ITPR1: variants seen among roughly 807,000 people sequenced by gnomAD.
ITPR1 encodes inositol 1,4,5-trisphosphate-gated calcium channel ITPR1.
A neutral mutation model predicts 318.4 loss-of-function variants in ITPR1; 96 were observed. The observed-to-expected ratio is 0.30, with a 90% CI of 0.26 to 0.36. The LOEUF (loss-of-function observed/expected upper bound fraction) is 0.36, where lower values mean the gene tolerates loss of function less well. ITPR1 is among the 10% of genes least tolerant of loss of function. The pLI is 1.00. For synonymous variants in ITPR1, 1,312 were observed against 1,289.9 expected, an observed-to-expected ratio of 1.02 and a Z score of -0.37; for missense variants, 2,440 against 3,460.2, an observed-to-expected ratio of 0.71 and a Z score of 7.40.
At chr3:4,622,422 C>G (rs550967048) in intron 4 of ITPR1, among the ~76,000 whole-genome samples, 1 of 149,408 alleles carries the variant, frequency 6.7e-6, no homozygotes, top group African/African-American at 2.5e-5. Flanking sequence ...CTTTGACTTT[C>G]TTTCTTTCTT....
At chr3:4,529,562 A>C (rs2083251780) in intron 4 of ITPR1, among the ~76,000 whole-genome samples, 2 of 152,182 alleles carry the variant, frequency 1.3e-5, no homozygotes, top group African/African-American at 4.8e-5. Context: ...CTTGTTTGAC[A>C]TGTGAGAAAA....
intron 4 of ITPR1, among the ~76,000 whole-genome samples, chr3:4,601,695 T>C (rs575026908): frequency 9.9e-5 from 15 of 152,096 alleles, no homozygotes; most frequent in Admixed American, 9.8e-4. Context: ...AAAAGAAAAT[T>C]AGATAAATTG....
At chr3:4,590,391 G>A (rs1441670022) in intron 4 of ITPR1, among the ~76,000 whole-genome samples, 1 of 151,650 alleles carries the variant, frequency 6.6e-6, no homozygotes, top group Non-Finnish European at 1.5e-5. Flanking sequence ...ATGAATGAGA[G>A]TAGTCAGTGG....
chr3:4,522,543 G>A (rs1169785660), intron 4 of ITPR1, among the ~76,000 whole-genome samples: 2 of 152,208 alleles, frequency 1.3e-5, no homozygotes, highest in Admixed American at 6.5e-5. Flanking sequence ...CTGTTAAAGA[G>A]AGAGAATAAC....
At chr3:4,699,770 G>T (rs942764403) in intron 34 of ITPR1, 43 bp from the exon 35 acceptor site, 4 of 1,597,182 alleles carry the variant, frequency 2.5e-6, no homozygotes, top group Non-Finnish European at 3.4e-6. Context: ...AATGTTTGGT[G>T]TAGGTTTTGG....
intron 24 of ITPR1, among the ~76,000 whole-genome samples, chr3:4,678,403 C>T (rs749934281): frequency 3.9e-5 from 6 of 152,078 alleles, no homozygotes; most frequent in South Asian, 2.1e-4. Context: ...TCAGAAACGA[C>T]GCAGTGCAAA....
chr3:4,558,859 A>C (rs2086397523), intron 4 of ITPR1, among the ~76,000 whole-genome samples: 1 of 151,988 alleles, frequency 6.6e-6, no homozygotes, highest in African/African-American at 2.4e-5. Context: ...TATCTTAAAA[A>C]ATTCAAATAC....
At chr3:4,708,279 TCTCCCTTTGTTAAA>T (rs971351225) in intron 37 of ITPR1, among the ~76,000 whole-genome samples, 2 of 152,066 alleles carry the variant, frequency 1.3e-5, no homozygotes, top group African/African-American at 4.8e-5. Context: ...AGAGATCTGC[TCTCCCTTTGTTAAA>T]AGGGAGAGTC....
At chr3:4,627,688 A>T (rs2092880980) in intron 4 of ITPR1, 75 bp from the exon 5 acceptor site, 2 of 848,678 alleles carry the variant, frequency 2.4e-6, no homozygotes, top group Non-Finnish European at 4.0e-6. Flanking sequence ...TTAAGTGGAA[A>T]GCCTTTTTTT....
At chr3:4,631,906 C>T (rs907957092) in intron 5 of ITPR1, among the ~76,000 whole-genome samples, 3 of 152,192 alleles carry the variant, frequency 2.0e-5, no homozygotes, top group Non-Finnish European at 4.4e-5. Flanking sequence ...CCTGCCTTAG[C>T]CTCCCAGAGT....
In ITPR1 at chr3:4,733,079, T is replaced by A; in HGVS notation, c.5221-9T>A. ...CAGAAGCTGATTTTATTATCCTGTT[T>A]GAATTAAGGGTGAGGCGCTCAGGCA... On this transcript the variant is annotated splice_polypyrimidine_tract_variant and intron_variant, in intron 42 of 61. Coordinates refer to ENST00000649015, the MANE Select transcript of ITPR1 (RefSeq NM_001378452.1). 1 of 1,611,248 alleles carries A rather than the reference T, an allele frequency of 6.2e-7. No individual in the cohort carries two copies. Among genetic ancestry groups the A allele is most frequent in the Non-Finnish European group, 8.5e-7 (1 of 1,178,604 alleles).
chr3:4,675,934 A>T (rs1273290029), intron 23 of ITPR1, among the ~76,000 whole-genome samples: 1 of 152,094 alleles, frequency 6.6e-6, no homozygotes, highest in African/African-American at 2.4e-5. Context: ...GTAGATGAGG[A>T]GACTGAGGCT....
chr3:4,741,909 A>C (rs771470607), intron 44 of ITPR1, among the ~76,000 whole-genome samples: 1 of 152,176 alleles, frequency 6.6e-6, no homozygotes, highest in Non-Finnish European at 1.5e-5. Flanking sequence ...CCATGTGGGA[A>C]AGGAGTGAAG....
chr3:4,820,572 C>CT (rs1433891849), intron 60 of ITPR1, among the ~76,000 whole-genome samples: 3 of 152,348 alleles, frequency 2.0e-5, no homozygotes, highest in African/African-American at 7.2e-5. Flanking sequence ...TGGCAACACT[C>CT]TGAGGGCCTG....
At chr3:4,646,718 G>T (rs892873002) in intron 10 of ITPR1, among the ~76,000 whole-genome samples, 1 of 152,168 alleles carries the variant, frequency 6.6e-6, no homozygotes, top group Non-Finnish European at 1.5e-5. Flanking sequence ...AGAAGGAAAT[G>T]TTCTGAATGC....
intron 39 of ITPR1, 40 bp downstream of exon 39, chr3:4,711,908 A>C: frequency 1.8e-6 from 2 of 1,093,686 alleles, no homozygotes; most frequent in Non-Finnish European, 2.6e-6. Context: ...AGGTTTTACT[A>C]TGAAACTGAA....
chr3:4,717,969 A>G (rs952336722), intron 40 of ITPR1, among the ~76,000 whole-genome samples: 2 of 152,192 alleles, frequency 1.3e-5, no homozygotes, highest in Non-Finnish European at 2.9e-5. Context: ...TCCTGTATCC[A>G]TGGCTTCTCT....
intron 60 of ITPR1, chr3:4,830,910 ATG>A (rs2050435870): frequency 2.2e-6 from 1 of 456,134 alleles, no homozygotes; most frequent in South Asian, 1.5e-5. Flanking sequence ...TTCCACAAAA[ATG>A]TTCCATCGTT....
At chr3:4,783,307 G>A (rs1006459169) in intron 50 of ITPR1, among the ~76,000 whole-genome samples, 1 of 152,034 alleles carries the variant, frequency 6.6e-6, no homozygotes. Context: ...GTGGGTAGGG[G>A]CAGGCTGTAA....
Sources: allele counts gnomAD v4.1 joint callset (sites outside exome capture counted in the v4.1 genomes callset), GRCh38; gene constraint gnomAD v4.1.1; transcripts MANE v1.5; gene names NCBI Gene and HGNC (gene_info 2026-07-23, HGNC 2026-07-21).